IMMP2L: variants seen among roughly 807,000 people sequenced by gnomAD.
IMMP2L encodes the protein inner mitochondrial membrane peptidase subunit 2, also known as mitochondrial inner membrane protease subunit 2.
IMMP2L carries 18 observed loss-of-function variants against 19.3 expected under a neutral mutation model. That is an observed-to-expected ratio of 0.93 (90% confidence interval 0.64 to 1.38). The LOEUF is 1.38. IMMP2L is among the 40% of genes most tolerant of loss of function. The probability of loss-of-function intolerance (pLI) is 0.00; values close to 1 mark genes in which losing one functional copy is unlikely to be tolerated. For missense variants in IMMP2L, 233 were observed against 218.2 expected (o/e 1.07, Z -0.43); for synonymous variants, 76 against 73.0 (o/e 1.04, Z -0.21).
intron 5 of IMMP2L, among the ~76,000 whole-genome samples, chr7:110,669,256 G>C (rs1791722496): frequency 6.6e-6 from 1 of 152,226 alleles, no homozygotes; most frequent in East Asian, 1.9e-4. Context: ...CGAGTCCAAA[G>C]GCAGACTGCT....
chr7:110,937,579 T>C (rs565937126), intron 4 of IMMP2L, among the ~76,000 whole-genome samples: 1 of 152,320 alleles, frequency 6.6e-6, no homozygotes, highest in South Asian at 2.1e-4. Context: ...TTATATTTCA[T>C]GATTTTTGAG....
chr7:111,513,501 A>G (rs1845631142), intron 2 of IMMP2L, among the ~76,000 whole-genome samples: 1 of 152,146 alleles, frequency 6.6e-6, no homozygotes, highest in Non-Finnish European at 1.5e-5. Context: ...CTTGTGCTCT[A>G]TTGGTAGGAA....
At chr7:110,999,509 A>G (rs761212046) in intron 3 of IMMP2L, among the ~76,000 whole-genome samples, 5 of 148,460 alleles carry the variant, frequency 3.4e-5, no homozygotes, top group African/African-American at 7.5e-5. Context: ...CTCTAGTAGT[A>G]CTCTCTAGCT....
chr7:111,094,028 G>C (rs1324374580), intron 3 of IMMP2L, among the ~76,000 whole-genome samples: 1 of 152,030 alleles, frequency 6.6e-6, no homozygotes, highest in African/African-American at 2.4e-5. Context: ...CTACAAAAAA[G>C]GTGATCAACT....
At chr7:111,231,643 C>CTA (rs1442266905) in intron 3 of IMMP2L, among the ~76,000 whole-genome samples, 2 of 151,916 alleles carry the variant, frequency 1.3e-5, no homozygotes, top group Admixed American at 1.3e-4. Context: ...ATATTCATGA[C>CTA]TATTTTATCT....
At chr7:110,838,410 T>C (rs1053678215) in intron 5 of IMMP2L, among the ~76,000 whole-genome samples, 4 of 152,164 alleles carry the variant, frequency 2.6e-5, no homozygotes, top group Non-Finnish European at 4.4e-5. Context: ...GGTTTGAATG[T>C]GTTCCCCGAA....
At chr7:111,290,210 T>C (rs774826094) in intron 3 of IMMP2L, among the ~76,000 whole-genome samples, 2 of 152,192 alleles carry the variant, frequency 1.3e-5, no homozygotes, top group Non-Finnish European at 2.9e-5. Flanking sequence ...ATGCTATTGA[T>C]CCACCATTAG....
intron 3 of IMMP2L, among the ~76,000 whole-genome samples, chr7:111,438,342 AT>A (rs1486537477): frequency 3.3e-5 from 5 of 151,758 alleles, no homozygotes; most frequent in Admixed American, 1.3e-4. Context: ...ATAGAACTAC[AT>A]TTTTTTATAA....
At chr7:111,558,065 A>C (rs1279104029) in intron 1 of IMMP2L, among the ~76,000 whole-genome samples, 2 of 152,178 alleles carry the variant, frequency 1.3e-5, no homozygotes, top group African/African-American at 2.4e-5. Context: ...AAAAAAACTT[A>C]TTATTGGACT....
Position 111,188,232 on chromosome 7 carries a change from A to G in IMMP2L, c.240-224667T>C, listed in dbSNP as rs184194784. On this transcript the variant is annotated intron_variant, in intron 3 of 5. Transcript: ENST00000405709. ...GCTGTATCCCACATGTTTCAAGTCA[A>G]TTCATGGTGCTCCTGTCTTAGTACA... Among the ~76,000 whole-genome samples, 548 of 152,250 alleles carry G rather than the reference A, an allele frequency of 3.6e-3. 8 individuals are homozygous for G. Among genetic ancestry groups the G allele is most frequent in the African/African-American group, 0.013 (532 of 41,538 alleles).
At chr7:111,419,658 T>C (rs1235849888) in intron 3 of IMMP2L, among the ~76,000 whole-genome samples, 1 of 151,782 alleles carries the variant, frequency 6.6e-6, no homozygotes, top group African/African-American at 2.4e-5. Flanking sequence ...TACATATGTT[T>C]ATTATGTCTC....
At chr7:111,038,162 T>C in intron 3 of IMMP2L, among the ~76,000 whole-genome samples, 1 of 152,166 alleles carries the variant, frequency 6.6e-6, no homozygotes, top group East Asian at 1.9e-4. Flanking sequence ...GAGGAGAGCC[T>C]GTGGCCACCT....
At chr7:111,379,676 T>C (rs1176535935) in intron 3 of IMMP2L, among the ~76,000 whole-genome samples, 1 of 151,832 alleles carries the variant, frequency 6.6e-6, no homozygotes, top group Non-Finnish European at 1.5e-5. Flanking sequence ...AGTTTCAAGA[T>C]CCGAAAATTC....
chr7:110,731,839 C>T (rs557716575), intron 5 of IMMP2L, among the ~76,000 whole-genome samples: 36 of 152,178 alleles, frequency 2.4e-4, no homozygotes, highest in Non-Finnish European at 4.6e-4. Context: ...ATCTATTAAT[C>T]ATTCCATACT....
intron 5 of IMMP2L, among the ~76,000 whole-genome samples, chr7:110,827,967 C>G (rs991869451): frequency 1.3e-5 from 2 of 152,206 alleles, no homozygotes; most frequent in Non-Finnish European, 2.9e-5. Flanking sequence ...GAGAGTTAGA[C>G]AAGTTCACCT....
chr7:111,324,806 T>C (rs1584631620), intron 3 of IMMP2L, among the ~76,000 whole-genome samples: 1 of 151,882 alleles, frequency 6.6e-6, no homozygotes, highest in East Asian at 1.9e-4. Context: ...GTAAATAAAC[T>C]AAAATTCAAA....
At chr7:111,442,465 C>A (rs562119278) in intron 3 of IMMP2L, among the ~76,000 whole-genome samples, 6 of 151,868 alleles carry the variant, frequency 4.0e-5, no homozygotes, top group African/African-American at 1.5e-4. Context: ...GATTTTACCC[C>A]TTTCATGACC....
At position 110,771,423 on chromosome 7, in the gene IMMP2L, G is replaced by T. The variant is rs1027868321; in HGVS notation, c.409-107702C>A. ...GGCTGAACAAATGAAAAGGACCTTGGCAGTGGAGCTACTGGAGCAGGGTGG... is the reference window on the plus strand; with the variant it reads ...GGCTGAACAAATGAAAAGGACCTTGTCAGTGGAGCTACTGGAGCAGGGTGG... On this transcript the variant is annotated intron_variant, in intron 5 of 5. Coordinates refer to ENST00000405709, the MANE Select transcript of IMMP2L (RefSeq NM_032549.4). 1.6e-4 allele frequency among the ~76,000 whole-genome samples: 25 copies of T among 152,236 alleles called. No individual in the cohort carries two copies. In the South Asian group the frequency reaches 5.2e-3, roughly 32 times the overall value.
chr7:110,902,382 G>C (rs983458051), intron 4 of IMMP2L, among the ~76,000 whole-genome samples: 3 of 127,592 alleles, frequency 2.4e-5, no homozygotes, highest in Non-Finnish European at 4.8e-5. Flanking sequence ...TTAACTAATG[G>C]TCCATACTCC....
Sources: gnomAD v4.1 joint callset for allele counts (sites outside exome capture counted in the v4.1 genomes callset) on GRCh38, gnomAD v4.1.1 for gene constraint, MANE v1.5 for transcripts, NCBI Gene and HGNC (gene_info 2026-07-23, HGNC 2026-07-21) for gene names.